Variants in ZNF16 observed in about 807,000 individuals in gnomAD.
ZNF16 encodes zinc finger protein KOX9.
ZNF16 carries 7 observed loss-of-function variants against 9.0 expected under a neutral mutation model. That is an observed-to-expected ratio of 0.78 (90% CI 0.44 to 1.47). The LOEUF is 1.47. Ranked by LOEUF, ZNF16 falls within the 40% of genes most tolerant of loss-of-function variation. ZNF16 has a pLI of 0.01. For synonymous variants in ZNF16, 312 were observed against 301.5 expected (o/e 1.03, Z -0.36); for missense variants, 830 against 854.2 (o/e 0.97, Z 0.35).
Position 144,931,096 on chromosome 8 carries a change from T to C in ZNF16, c.1691A>G (p.Gln564Arg). Residue 564 changes from glutamine to arginine, a missense_variant, in exon 3 of 3, where the codon CAG (glutamine) becomes CGG (arginine). Transcript: ENST00000394909. ...GGGCTTCAGCCCATTATGAATCCTC[T>C]GATGCTGAATGAGGGTTGAGCTCTG... ...FSQSSTLIQH[Q>R]RIHNGLKPHE... The C allele has an allele frequency of 6.2e-7, 1 of 1,614,256 alleles. No homozygotes were observed. Among genetic ancestry groups the C allele is most frequent in the South Asian group, 1.1e-5 (1 of 91,090 alleles).
At position 144,930,534 on chromosome 8, in the gene ZNF16, A is replaced by G. The variant is rs1480549101; in HGVS notation, c.*204T>C. Reference sequence around the variant, plus strand: ...GTAAAAACAAGCCCAAACCCAAGACATCACAAGAGGCAAGAGCAGTGGCAG... The same window carrying G: ...GTAAAAACAAGCCCAAACCCAAGACGTCACAAGAGGCAAGAGCAGTGGCAG... On this transcript the variant is annotated 3_prime_UTR_variant, in exon 3 of 3. Coordinates refer to ENST00000394909, the MANE Select transcript of ZNF16 (RefSeq NM_006958.3). 9.3e-6 allele frequency: 5 copies of G among 537,958 alleles called. No individual in the cohort carries two copies. The highest frequency in any genetic ancestry group is 7.5e-5 in the African/African-American group (4 of 53,188). The allele number at this position is 537,958 out of a possible 1,614,324, so 33.3% of individuals were successfully genotyped here.
intron 1 of ZNF16, among the ~76,000 whole-genome samples, chr8:144,947,353 T>C (rs866879602): frequency 1.7e-4 from 25 of 146,034 alleles, no homozygotes; most frequent in African/African-American, 6.3e-4. Context: ...TGTGTCCTGT[T>C]GTGGGGCCTG....
Position 144,930,756 on chromosome 8 carries a change from C to A in ZNF16, c.2031G>T (p.Leu677Phe), listed in dbSNP as rs1179116458. The stretch of plus-strand genomic sequence containing the variant: ...CAACAGCCTATTCCCTGGTGTGAAT[C>A]AACTGGTGTTTGATCAACTTTGATC... ...SQRSKLIKHQ[L>F]IHTRE Residue 677 changes from leucine (L) to phenylalanine (F), a missense_variant, in exon 3 of 3, where the codon TTG becomes TTT. Leu to Phe is a conservative substitution (Grantham distance 22). Coordinates refer to ENST00000394909, the MANE Select transcript of ZNF16 (RefSeq NM_006958.3). The A allele has an allele frequency of 6.5e-7, 1 of 1,530,138 alleles. No homozygotes were observed. Among genetic ancestry groups the A allele is most frequent in the African/African-American group, 1.4e-5 (1 of 72,046 alleles). 94.8% of individuals were successfully genotyped at this position (1,530,138 alleles called of 1,614,324 possible).
In ZNF16 at chr8:144,930,681, C is replaced by A. The variant is rs1056590149; in HGVS notation, c.*57G>T. Reference sequence around the variant, plus strand: ...GAAGTGGCAGAGGCTGAGACAATGGCCAAAGAGGAGTTGGAGAGGAAACTA... The same window carrying A: ...GAAGTGGCAGAGGCTGAGACAATGGACAAAGAGGAGTTGGAGAGGAAACTA... On this transcript the variant is annotated 3_prime_UTR_variant, in exon 3 of 3. Transcript: ENST00000394909. The A allele has an allele frequency of 2.3e-5, 35 of 1,508,276 alleles. No individual in the cohort carries two copies. Among genetic ancestry groups the A allele is most frequent in the East Asian group, 2.3e-4 (10 of 43,882 alleles). The allele number at this position is 1,508,276 out of a possible 1,614,324, so 93.4% of individuals were successfully genotyped here.
chr8:144,937,908 T>C (rs1833721681), intron 2 of ZNF16, among the ~76,000 whole-genome samples: 1 of 152,136 alleles, frequency 6.6e-6, no homozygotes, highest in South Asian at 2.1e-4. Flanking sequence ...CCTCAAGCGA[T>C]CCTCTCACCT....
At chr8:144,948,813 C>T (rs1329438807) in intron 1 of ZNF16, among the ~76,000 whole-genome samples, 1 of 152,174 alleles carries the variant, frequency 6.6e-6, no homozygotes, top group Non-Finnish European at 1.5e-5. Flanking sequence ...AGAATAAATG[C>T]CCCCTCTCAC....
chr8:144,941,240 G>C (rs965620524), intron 2 of ZNF16, among the ~76,000 whole-genome samples: 7 of 151,992 alleles, frequency 4.6e-5, no homozygotes, highest in African/African-American at 1.7e-4. Flanking sequence ...ATAGTTTGGA[G>C]CTCTTTTTTT....
rs1563925461 is a variant in ZNF16, at chr8:144,946,535, GGCCTGTGTACTGCTGTGGGGCCTGTA to G, written c.-9-346_-9-321del. ...CCACAGGGTCTGTGTCCTGCTGTGG[GGCCTGTGTACTGCTGTGGGGCCTGTA>G]CCCTGCTGTGGGCCTGTGTCCTGCT... On this transcript the variant is annotated intron_variant, in intron 1 of 2. Transcript: ENST00000394909. 1.1e-3 allele frequency among the ~76,000 whole-genome samples: 158 copies of G among 139,622 alleles called. 8 individuals are homozygous for G. Among genetic ancestry groups the G allele is most frequent in the Middle Eastern group, 3.6e-3 (1 of 274 alleles). The allele number at this position is 139,622 out of a possible 152,430, so 91.6% of individuals were successfully genotyped here.
intron 2 of ZNF16, among the ~76,000 whole-genome samples, chr8:144,937,194 T>A (rs1471058301): frequency 6.9e-6 from 1 of 144,388 alleles, no homozygotes; most frequent in Non-Finnish European, 1.5e-5. Context: ...TCATCCAGGC[T>A]GGAGTACACT....
At position 144,949,661 on chromosome 8, in the gene ZNF16, T is replaced by A. The variant is rs1309212030; in HGVS notation, c.-10+1136A>T. Among the ~76,000 whole-genome samples, 12 of 152,224 alleles carry A rather than the reference T, an allele frequency of 7.9e-5. 1 individual carries two copies. Among genetic ancestry groups the A allele is most frequent in the Non-Finnish European group, 1.5e-5 (1 of 68,044 alleles). Reference sequence around the variant, plus strand: ...AAGGGATCTAGGGCTGTGCAGGATGTGCCTTGTTAACAAAATGTTTACAAG... The same window carrying A: ...AAGGGATCTAGGGCTGTGCAGGATGAGCCTTGTTAACAAAATGTTTACAAG... On this transcript the variant is annotated intron_variant, in intron 1 of 2. Coordinates refer to ENST00000394909, the MANE Select transcript of ZNF16 (RefSeq NM_006958.3).
rs1388019464 is a variant in ZNF16 at position 144,930,976 on chromosome 8, AC to A, written c.1810del (p.Val604LeufsTer18). The A allele has an allele frequency of 6.2e-7, 1 of 1,613,770 alleles. No individual in the cohort carries two copies. Among genetic ancestry groups the A allele is most frequent in the Non-Finnish European group, 8.5e-7 (1 of 1,179,956 alleles). ...CTGGCTGAAGCCCTTACCACATTCA[AC>A]ACAGGTGTAGGGTTTTTCCCCAGTA... is the stretch of plus-strand genomic sequence containing the variant. Reference protein sequence around the residue: ...VHTGEKPYTCVECGKGFSQSS... With the variant: ...VHTGEKPYTCXECGKGFSQSS... On this transcript the variant is annotated frameshift_variant, in exon 3 of 3. Transcript: ENST00000394909. LOFTEE classifies it high-confidence loss of function.
At chr8:144,937,137 CTCTCTCTTTTT>C (rs1431418972) in intron 2 of ZNF16, among the ~76,000 whole-genome samples, 3 of 113,024 alleles carry the variant, frequency 2.7e-5, no homozygotes, top group South Asian at 2.9e-4. Flanking sequence ...CACTTTCTTT[CTCTCTCTTTTT>C]TTTTTTTTTT....
chr8:144,935,872 G>C (rs967779698), intron 2 of ZNF16, among the ~76,000 whole-genome samples: 1 of 152,026 alleles, frequency 6.6e-6, no homozygotes, highest in African/African-American at 2.4e-5. Flanking sequence ...ACTCAGATGG[G>C]GTGCTCCTTA....
In ZNF16 at chr8:144,931,071, G is replaced by C; in HGVS notation, c.1716C>G (p.Pro572=). 1 of 1,614,198 alleles carries C rather than the reference G, an allele frequency of 6.2e-7. No homozygotes were observed. ...QHQRIHNGLK[P]HECNQCGKAF... ...CTTTACCACACTGGTTACATTCATG[G>C]GGCTTCAGCCCATTATGAATCCTCT... The change falls in exon 3 of 3, where the codon CCC becomes CCG. Residue 572 remains proline (P), a synonymous_variant. Transcript: ENST00000394909.
intron 1 of ZNF16, among the ~76,000 whole-genome samples, chr8:144,947,132 C>T (rs1833974881): frequency 8.0e-6 from 1 of 124,434 alleles, no homozygotes; most frequent in South Asian, 2.6e-4. Flanking sequence ...CTGTACCCTG[C>T]TGTGGGCCAT....
At position 144,946,210 on chromosome 8, in the gene ZNF16, A is replaced by G. The variant is rs1833923956; in HGVS notation, c.-4T>C. On this transcript the variant is annotated 5_prime_UTR_variant, in exon 2 of 3. Coordinates refer to ENST00000394909, the MANE Select transcript of ZNF16 (RefSeq NM_006958.3). ...GGCGAGTTCTGAGGCTGGGCATGACAAGGACCTGAAAACCGGCAAGAACAC... is the reference window on the plus strand; with the variant it reads ...GGCGAGTTCTGAGGCTGGGCATGACGAGGACCTGAAAACCGGCAAGAACAC... 6.6e-7 allele frequency: 1 copy of G among 1,506,924 alleles called. No homozygotes were observed. The highest frequency in any genetic ancestry group is 8.9e-7 in the Non-Finnish European group (1 of 1,122,512). 93.3% of individuals were successfully genotyped at this position (1,506,924 alleles called of 1,614,324 possible). A position where few individuals can be genotyped will look rare whatever the true frequency, so the allele number is the denominator to read the frequency against.
chr8:144,939,877 A>C (rs1157917984), intron 2 of ZNF16, among the ~76,000 whole-genome samples: 1 of 152,028 alleles, frequency 6.6e-6, no homozygotes, highest in African/African-American at 2.4e-5. Context: ...TGTCTTTTTT[A>C]TTTAATCAAT....
intron 2 of ZNF16, among the ~76,000 whole-genome samples, chr8:144,939,088 C>G (rs1389051150): frequency 6.6e-6 from 1 of 152,138 alleles, no homozygotes; most frequent in East Asian, 1.9e-4. Flanking sequence ...TTAAATCCCA[C>G]TTGGTCATAT....
chr8:144,931,063 C>T lies in ZNF16; in HGVS notation c.1724G>A (p.Cys575Tyr). 5 of 1,614,246 alleles carry T rather than the reference C, an allele frequency of 3.1e-6. No homozygotes were observed. The highest frequency in any genetic ancestry group is 1.3e-5 in the African/African-American group (1 of 75,068). ...RIHNGLKPHECNQCGKAFNRS... is the reference protein window; with the variant it reads ...RIHNGLKPHEYNQCGKAFNRS... ...GTTGAAGGCTTTACCACACTGGTTACATTCATGGGGCTTCAGCCCATTATG... is the reference window on the plus strand; with the variant it reads ...GTTGAAGGCTTTACCACACTGGTTATATTCATGGGGCTTCAGCCCATTATG... Residue 575 changes from cysteine (C) to tyrosine (Y), a missense_variant, in exon 3 of 3, where the codon TGT becomes TAT. Coordinates refer to ENST00000394909, the MANE Select transcript of ZNF16 (RefSeq NM_006958.3).
Sources: allele counts gnomAD v4.1 joint callset (sites outside exome capture counted in the v4.1 genomes callset), GRCh38; gene constraint gnomAD v4.1.1; transcripts MANE v1.5; gene names NCBI Gene and HGNC (gene_info 2026-07-23, HGNC 2026-07-21).